The following GPHN variants were observed in gnomAD, a reference collection of about 807,000 sequenced individuals.
The protein encoded by GPHN is gephyrin.
A neutral mutation model predicts 95.5 loss-of-function variants in GPHN; 17 were observed. That is an observed-to-expected ratio of 0.18 (90% CI 0.12 to 0.27). GPHN has a LOEUF of 0.27. Ranked by LOEUF, GPHN falls within the 10% of genes least tolerant of loss-of-function variation. The pLI, the probability that GPHN is intolerant of heterozygous loss-of-function variation, is 1.00. For synonymous variants in GPHN, 320 were observed against 322.5 expected (o/e 0.99, Z 0.08); for missense variants, 660 against 978.1 (o/e 0.67, Z 4.34).
the GPHN span, among the ~76,000 whole-genome samples, chr14:67,257,768 C>G: frequency 6.6e-6 from 1 of 152,018 alleles, no homozygotes; most frequent in Non-Finnish European, 1.5e-5. Flanking sequence ...ATGCAGAACT[C>G]AGGTAGAGGA....
intron 3 of GPHN, among the ~76,000 whole-genome samples, chr14:66,777,563 A>C (rs1357736317): frequency 1.3e-5 from 2 of 152,278 alleles, no homozygotes; most frequent in East Asian, 3.9e-4. Flanking sequence ...ACATTGATGC[A>C]AAAATCCTCA....
chr14:67,638,745 A>T, the GPHN span, among the ~76,000 whole-genome samples: 1 of 152,232 alleles, frequency 6.6e-6, no homozygotes, highest in Non-Finnish European at 1.5e-5. Flanking sequence ...GCTGGCCCTT[A>T]GCTTTGTGGA....
At chr14:67,494,996 C>T in the GPHN span, among the ~76,000 whole-genome samples, 1 of 152,164 alleles carries the variant, frequency 6.6e-6, no homozygotes, top group African/African-American at 2.4e-5. Context: ...ATGTTAATCA[C>T]AGGTGAATCT....
the GPHN span, chr14:67,225,071 T>C: frequency 1.3e-6 from 2 of 1,506,488 alleles, no homozygotes; most frequent in South Asian, 2.6e-5. Context: ...TTCCTCTCTA[T>C]TGATCTCTCC....
chr14:67,556,010 T>C, the GPHN span: 7 of 1,263,528 alleles, frequency 5.5e-6, no homozygotes, highest in East Asian at 1.8e-4. Flanking sequence ...CCTGAACAAA[T>C]GAGTGTGCGT....
chr14:67,107,438 G>A (rs139816169), intron 13 of GPHN, among the ~76,000 whole-genome samples: 1 of 152,274 alleles, frequency 6.6e-6, no homozygotes, highest in Non-Finnish European at 1.5e-5. Flanking sequence ...TTATGACTGA[G>A]GCACCCCCTA....
the GPHN span, among the ~76,000 whole-genome samples, chr14:67,229,305 G>T: frequency 6.6e-6 from 1 of 152,128 alleles, no homozygotes; most frequent in Non-Finnish European, 1.5e-5. Context: ...CACACAAATA[G>T]TACTGGTTTT....
chr14:67,662,122 C>T, the GPHN span, among the ~76,000 whole-genome samples: 1 of 151,868 alleles, frequency 6.6e-6, no homozygotes, highest in Non-Finnish European at 1.5e-5. Flanking sequence ...TGCCACTGCA[C>T]TCCAGCTTGG....
At chr14:66,689,081 A>G (rs1379700458) in intron 2 of GPHN, among the ~76,000 whole-genome samples, 1 of 152,172 alleles carries the variant, frequency 6.6e-6, no homozygotes, top group Non-Finnish European at 1.5e-5. Context: ...AAAAAGAAAA[A>G]GAAAGTGGTA....
chr14:67,372,032 AG>A, the GPHN span, among the ~76,000 whole-genome samples: 1 of 152,292 alleles, frequency 6.6e-6, no homozygotes, highest in East Asian at 1.9e-4. Context: ...TGGGAGGCCT[AG>A]GTGGGGGGAT....
chr14:67,114,388 C>T (rs150713749), intron 16 of GPHN, among the ~76,000 whole-genome samples: 1 of 152,198 alleles, frequency 6.6e-6, no homozygotes, highest in Non-Finnish European at 1.5e-5. Flanking sequence ...TTTGAGAAAG[C>T]TAAACAGTAG....
At chr14:67,015,880 A>C (rs1378354425) in intron 9 of GPHN, among the ~76,000 whole-genome samples, 2 of 152,166 alleles carry the variant, frequency 1.3e-5, no homozygotes, top group Non-Finnish European at 2.9e-5. Flanking sequence ...TTACTGTTAA[A>C]TGATTAGTCC....
chr14:67,333,460 T>C, the GPHN span: 1 of 152,768 alleles, frequency 6.5e-6, no homozygotes, highest in South Asian at 2.1e-4. Context: ...AGAGATACTT[T>C]CCTAAAAAGG....
the GPHN span, chr14:67,347,570 C>T: frequency 5.0e-6 from 4 of 806,580 alleles, no homozygotes; most frequent in Admixed American, 2.6e-5. Flanking sequence ...GGCGTGATCT[C>T]GCCTCACCGC....
the GPHN span, among the ~76,000 whole-genome samples, chr14:67,681,674 C>T: frequency 3.3e-5 from 5 of 151,948 alleles, no homozygotes; most frequent in African/African-American, 7.3e-5. Context: ...CCCAGCTACT[C>T]GGGAGGCTGA....
At chr14:66,637,741 G>A (rs2064176274) in intron 1 of GPHN, among the ~76,000 whole-genome samples, 1 of 152,040 alleles carries the variant, frequency 6.6e-6, no homozygotes, top group Admixed American at 6.5e-5. Flanking sequence ...ACAGTGTAAT[G>A]GGTAGAATAA....
chr14:66,872,705 G>C (rs918659846), intron 4 of GPHN, among the ~76,000 whole-genome samples: 1 of 152,082 alleles, frequency 6.6e-6, no homozygotes, highest in Admixed American at 6.5e-5. Flanking sequence ...AGACCAGCTT[G>C]GCCAACATGG....
At chr14:66,672,081 T>C (rs1348178630) in intron 1 of GPHN, among the ~76,000 whole-genome samples, 1 of 152,136 alleles carries the variant, frequency 6.6e-6, no homozygotes, top group Non-Finnish European at 1.5e-5. Flanking sequence ...ATGCATTCAA[T>C]GTTATAAATT....
At chr14:66,678,253 T>C (rs995572934) in intron 1 of GPHN, among the ~76,000 whole-genome samples, 1 of 151,232 alleles carries the variant, frequency 6.6e-6, no homozygotes, top group Non-Finnish European at 1.5e-5. Context: ...TGGTTTCCCA[T>C]GTCATGTAGG....
Sources: gnomAD v4.1 joint callset for allele counts (sites outside exome capture counted in the v4.1 genomes callset) on GRCh38, gnomAD v4.1.1 for gene constraint, MANE v1.5 for transcripts, NCBI Gene and HGNC (gene_info 2026-07-23, HGNC 2026-07-21) for gene names.